The following MYH11 variants were observed in gnomAD, a reference collection of about 807,000 sequenced individuals.
MYH11 encodes myosin heavy chain 11.
In MYH11, 80 loss-of-function variants were observed where a neutral mutation model predicts 246.6. The ratio of observed to expected loss-of-function variants is 0.32; its 90% CI spans 0.27 to 0.39. The LOEUF (loss-of-function observed/expected upper bound fraction) is 0.39, where lower values mean the gene tolerates loss of function less well. MYH11 is among the 10% of genes least tolerant of loss of function. MYH11 has a pLI of 1.00. For missense variants in MYH11, 2,158 were observed against 2,546.8 expected (o/e 0.85, Z 3.29); for synonymous variants, 1,071 against 1,015.5 (o/e 1.05, Z -1.04).
intron 6 of MYH11, 135 bp from the exon 7 acceptor site, chr16:15,778,978 C>A: frequency 1.2e-6 from 1 of 848,730 alleles, no homozygotes. Flanking sequence ...ACTCAGAACC[C>A]CACAGGTCAA....
intron 6 of MYH11, among the ~76,000 whole-genome samples, chr16:15,780,474 C>T (rs1459728628): frequency 1.1e-3 from 77 of 68,990 alleles, no homozygotes; most frequent in South Asian, 3.4e-3. Flanking sequence ...GATTTTTACG[C>T]TTTTTTTTTT....
At chr16:15,743,019 C>A (rs2041318848) in intron 20 of MYH11, among the ~76,000 whole-genome samples, 1 of 141,686 alleles carries the variant, frequency 7.1e-6, no homozygotes. Flanking sequence ...TTTTTTTTAG[C>A]AGACCTATTC....
intron 40 of MYH11, among the ~76,000 whole-genome samples, chr16:15,704,636 C>G (rs1190976437): frequency 1.3e-5 from 2 of 152,168 alleles, no homozygotes; most frequent in Admixed American, 1.3e-4. Flanking sequence ...GTGAAATGGA[C>G]AAGGGCAGCC....
intron 15 of MYH11, among the ~76,000 whole-genome samples, chr16:15,752,820 A>G (rs2041607458): frequency 6.6e-6 from 1 of 152,176 alleles, no homozygotes; most frequent in South Asian, 2.1e-4. Context: ...TGGAGGCTGC[A>G]GTGAGCCAAG....
Position 15,838,022 on chromosome 16 carries a change from C to T in MYH11, c.231G>A (p.Gln77=). ...KKVTVGKDDI[Q]KMNPPKFSKV... ...TGGAGAACTTGGGTGGGTTCATCTT[C>T]TGGATGTCATCTTTCCCAACCGTGA... The change falls in exon 2 of 41, where the codon CAG becomes CAA. Residue 77 remains glutamine, a synonymous_variant. Coordinates refer to ENST00000300036, the MANE Select transcript of MYH11 (RefSeq NM_002474.3). 1.9e-6 allele frequency: 3 copies of T among 1,614,158 alleles called. No individual in the cohort carries two copies. Among genetic ancestry groups the T allele is most frequent in the Non-Finnish European group, 2.5e-6 (3 of 1,180,034 alleles).
At chr16:15,775,500 T>C (rs2042202002) in intron 8 of MYH11, among the ~76,000 whole-genome samples, 1 of 152,126 alleles carries the variant, frequency 6.6e-6, no homozygotes, top group East Asian at 1.9e-4. Context: ...GGTTTATATA[T>C]TGCCTGTGGC....
In MYH11 at chr16:15,738,806, T is replaced by C. The variant is rs74009417; in HGVS notation, c.2998-118A>G. 32,318 of 1,208,980 alleles carry C rather than the reference T, an allele frequency of 0.027. 640 individuals are homozygous for C. Among genetic ancestry groups the C allele is most frequent in the South Asian group, 0.062 (4,585 of 74,420 alleles). 74.9% of individuals were successfully genotyped at this position (1,208,980 alleles called of 1,614,324 possible). On this transcript the variant is annotated intron_variant, in intron 23 of 40. Transcript: ENST00000300036. ...AAGAAAAACCCACATTATAACAAAA[T>C]ACAACTAGAGTTTTAAATGGTAAAG...
chr16:15,763,345 C>T (rs1050390434), intron 10 of MYH11, among the ~76,000 whole-genome samples: 4 of 151,622 alleles, frequency 2.6e-5, no homozygotes, highest in Admixed American at 6.6e-5. Context: ...TTTAACAAAA[C>T]AATTAAGTGG....
chr16:15,726,819 CCCA>C (rs1340551697), intron 28 of MYH11, 26 bp downstream of exon 28: 3 of 1,609,870 alleles, frequency 1.9e-6, no homozygotes, highest in Non-Finnish European at 2.5e-6. Context: ...CCCAGCACTG[CCCA>C]CCACACCACC....
chr16:15,704,180 A>G (rs1567668891), intron 40 of MYH11, 57 bp from the exon 41 acceptor site: 25 of 1,603,026 alleles, frequency 1.6e-5, no homozygotes, highest in Non-Finnish European at 2.1e-5. Flanking sequence ...GTTGGGATAG[A>G]TTTTTTATAA....
At chr16:15,719,373 C>T (rs1490101495) in intron 35 of MYH11, 65 bp from the exon 36 acceptor site, 2 of 1,561,514 alleles carry the variant, frequency 1.3e-6, no homozygotes, top group East Asian at 2.2e-5. Flanking sequence ...AGAGTCCACC[C>T]TGACAACTCA....
rs2040642863 is a variant in MYH11, at chr16:15,724,420, A to G, written c.4117-11T>C. 3 of 1,613,706 alleles carry G rather than the reference A, an allele frequency of 1.9e-6. No homozygotes were observed. Among genetic ancestry groups the G allele is most frequent in the East Asian group, 2.2e-5 (1 of 44,872 alleles). ...CTTCGAGTCGGAGAGCTACAAGGACAGCGTCCAGGGTAGGGTGAGAGGGGG... is the reference window on the plus strand; with the variant it reads ...CTTCGAGTCGGAGAGCTACAAGGACGGCGTCCAGGGTAGGGTGAGAGGGGG... On this transcript the variant is annotated splice_polypyrimidine_tract_variant and intron_variant, in intron 30 of 40. Coordinates refer to ENST00000300036, the MANE Select transcript of MYH11 (RefSeq NM_002474.3).
Position 15,758,004 on chromosome 16 carries a change from A to G in MYH11, c.1402-4T>C. ...ACAGCTGCTCGAAGGAGTTCACCTG[A>G]GCACATGGCGTGGGGGCGGGGCGTG... is the stretch of plus-strand genomic sequence containing the variant. On this transcript the variant is annotated splice_region_variant and splice_polypyrimidine_tract_variant and intron_variant, in intron 12 of 40. Transcript: ENST00000300036. The G allele has an allele frequency of 6.2e-7, 1 of 1,613,656 alleles. No homozygotes were observed. The highest frequency in any genetic ancestry group is 8.5e-7 in the Non-Finnish European group (1 of 1,180,028).
In MYH11 at chr16:15,816,793, C is replaced by CAAA. The variant is rs67390477; in HGVS notation, c.502+6459_502+6461dup. ...TTTTCAGAGATATGGTGGTAAATAC[C>CAAA]AAAAAAAAAAAAAATCAATTAAAGG... On this transcript the variant is annotated intron_variant, in intron 3 of 40. Coordinates refer to ENST00000300036, the MANE Select transcript of MYH11 (RefSeq NM_002474.3). Among the ~76,000 whole-genome samples the CAAA allele has an allele frequency of 4.3e-3, 600 of 138,516 alleles. 1 individual carries two copies. Among genetic ancestry groups the CAAA allele is most frequent in the East Asian group, 0.017 (77 of 4,614 alleles). The allele number at this position is 138,516 out of a possible 152,430, so 90.9% of individuals were successfully genotyped here. A position where few individuals can be genotyped will look rare whatever the true frequency, so the allele number is the denominator to read the frequency against.
intron 2 of MYH11, among the ~76,000 whole-genome samples, chr16:15,829,960 C>A (rs1311952562): frequency 6.6e-6 from 1 of 152,060 alleles, no homozygotes; most frequent in African/African-American, 2.4e-5. Context: ...CACAGTGAAA[C>A]CTCATCTCTA....
At chr16:15,817,600 T>G (rs2043293580) in intron 3 of MYH11, among the ~76,000 whole-genome samples, 1 of 152,204 alleles carries the variant, frequency 6.6e-6, no homozygotes, top group Non-Finnish European at 1.5e-5. Flanking sequence ...TATCAGCTTC[T>G]CTTCCCATAC....
intron 38 of MYH11, among the ~76,000 whole-genome samples, chr16:15,716,617 G>T (rs117434909): frequency 1.3e-5 from 2 of 152,152 alleles, no homozygotes; most frequent in African/African-American, 4.8e-5. Context: ...CACGTGTCAC[G>T]TTGGAGTGAT....
intron 7 of MYH11, among the ~76,000 whole-genome samples, chr16:15,776,945 CATGATGGTGCGGG>C (rs1478977123): frequency 5.3e-5 from 8 of 152,130 alleles, no homozygotes. Context: ...CAGCACTAAG[CATGATGGTGCGGG>C]ATGATGGGGC....
chr16:15,750,462 G>T lies in MYH11; in HGVS notation c.1865-131C>A. ...CCTTCCATCACCAACGCCTCCTTCGGCAGTCAGGGTTTCCAAGTATTGTCT... is the reference window on the plus strand; with the variant it reads ...CCTTCCATCACCAACGCCTCCTTCGTCAGTCAGGGTTTCCAAGTATTGTCT... On this transcript the variant is annotated intron_variant, in intron 15 of 40. Transcript: ENST00000300036. This position sits in a 1 kb window ranked among gnomAD's most constrained non-coding sequence, Gnocchi z 4.3. The T allele has an allele frequency of 1.1e-6, 1 of 883,890 alleles. No individual in the cohort carries two copies. The highest frequency in any genetic ancestry group is 1.8e-6 in the Non-Finnish European group (1 of 565,410). 54.8% of individuals were successfully genotyped at this position (883,890 alleles called of 1,614,324 possible). A position where few individuals can be genotyped will look rare whatever the true frequency, so the allele number is the denominator to read the frequency against.
Sources: allele counts gnomAD v4.1 joint callset (sites outside exome capture counted in the v4.1 genomes callset), GRCh38; gene constraint gnomAD v4.1.1; non-coding constraint Gnocchi (gnomAD v3.1); transcripts MANE v1.5; gene names NCBI Gene and HGNC (gene_info 2026-07-23, HGNC 2026-07-21).